MRAS: variants seen among roughly 807,000 people sequenced by gnomAD.
MRAS encodes the protein muscle RAS oncogene homolog.
MRAS carries 4 observed loss-of-function variants against 20.9 expected under a neutral mutation model. The ratio of observed to expected loss-of-function variants is 0.19; its 90% confidence interval spans 0.09 to 0.44. The LOEUF (loss-of-function observed/expected upper bound fraction) is 0.44. MRAS is among the 20% of genes least tolerant of loss of function. The pLI, the probability that MRAS is intolerant of heterozygous loss-of-function variation, is 0.99. For missense variants in MRAS, 154 were observed against 277.5 expected (o/e 0.56, Z 3.16); for synonymous variants, 98 against 102.9 (o/e 0.95, Z 0.29).
At chr3:138,386,276 C>G (rs192592381) in intron 2 of MRAS, among the ~76,000 whole-genome samples, 13 of 152,102 alleles carry the variant, frequency 8.5e-5, no homozygotes, top group African/African-American at 1.4e-4. Context: ...CATTCTCCCC[C>G]CTCCTCAGTC....
At chr3:138,396,600 C>T (rs768018513) in intron 2 of MRAS, among the ~76,000 whole-genome samples, 14 of 152,218 alleles carry the variant, frequency 9.2e-5, no homozygotes, top group African/African-American at 3.4e-4. Flanking sequence ...ATGAGACTTT[C>T]CCTCAGCAGG....
chr3:138,369,284 A>G (rs970373361), intron 1 of MRAS, among the ~76,000 whole-genome samples: 1 of 152,246 alleles, frequency 6.6e-6, no homozygotes, highest in South Asian at 2.1e-4. Flanking sequence ...GTAAACACTT[A>G]GAAAATTCTA....
At position 138,378,631 on chromosome 3, in the gene MRAS, A is replaced by G. The variant is rs2054834336; in HGVS notation, c.193+5555A>G. Reference sequence around the variant, plus strand: ...CCTCACCTTGGCTTTCAGCTGTGTGACTGCCCTCACCCCAATTCTCTCTTG... The same window carrying G: ...CCTCACCTTGGCTTTCAGCTGTGTGGCTGCCCTCACCCCAATTCTCTCTTG... On this transcript the variant is annotated intron_variant, in intron 2 of 5. Transcript: ENST00000423968. Among the ~76,000 whole-genome samples the G allele has an allele frequency of 2.6e-5, 4 of 152,066 alleles. No individual in the cohort carries two copies. The South Asian group carries it at 8.3e-4, about 32-fold the overall frequency.
At chr3:138,361,767 C>T (rs2054452514) in intron 1 of MRAS, among the ~76,000 whole-genome samples, 1 of 152,122 alleles carries the variant, frequency 6.6e-6, no homozygotes, top group South Asian at 2.1e-4. Flanking sequence ...GCTGGCCTTC[C>T]CTGGTTGAGT....
At chr3:138,380,280 C>T (rs1235984599) in intron 2 of MRAS, among the ~76,000 whole-genome samples, 1 of 151,394 alleles carries the variant, frequency 6.6e-6, no homozygotes, top group African/African-American at 2.4e-5. Flanking sequence ...TCCCCATTTT[C>T]CCCTCTCCTC....
At chr3:138,353,900 T>G (rs1400161524) in intron 1 of MRAS, among the ~76,000 whole-genome samples, 1 of 152,246 alleles carries the variant, frequency 6.6e-6, no homozygotes, top group Non-Finnish European at 1.5e-5. Context: ...GAAAGGAATC[T>G]GGCCATGGTC....
chr3:138,395,597 C>T (rs1256810660), intron 2 of MRAS, among the ~76,000 whole-genome samples: 1 of 152,184 alleles, frequency 6.6e-6, no homozygotes. Flanking sequence ...TCAAATGTCA[C>T]CTTCTGATAT....
chr3:138,400,472 G>A, intron 4 of MRAS, 62 bp from the exon 5 acceptor site: 6 of 1,473,532 alleles, frequency 4.1e-6, no homozygotes, highest in Non-Finnish European at 5.7e-6. Context: ...GCATTTTTAA[G>A]GGTGTAACAG....
At chr3:138,389,744 G>A (rs188961331) in intron 2 of MRAS, among the ~76,000 whole-genome samples, 11 of 152,054 alleles carry the variant, frequency 7.2e-5, no homozygotes, top group Admixed American at 7.2e-4. Flanking sequence ...TAGGAGGATG[G>A]TAATATCTTA....
chr3:138,380,865 G>A (rs945656050), intron 2 of MRAS, among the ~76,000 whole-genome samples: 9 of 151,700 alleles, frequency 5.9e-5, no homozygotes, highest in African/African-American at 1.9e-4. Context: ...CGCCTCCCGG[G>A]TTCAAGTGAT....
In MRAS at chr3:138,402,958, A is replaced by G. The variant is rs1471437611; in HGVS notation, c.*689A>G. 1 of 152,518 alleles carries G rather than the reference A, an allele frequency of 6.6e-6. No homozygotes were observed. Among genetic ancestry groups the G allele is most frequent in the Non-Finnish European group, 1.5e-5 (1 of 68,018 alleles). 9.4% of individuals were successfully genotyped at this position (152,518 alleles called of 1,614,324 possible). On this transcript the variant is annotated 3_prime_UTR_variant, in exon 6 of 6. Coordinates refer to ENST00000423968, the MANE Select transcript of MRAS (RefSeq NM_001085049.3). Reference sequence around the variant, plus strand: ...CCTGGGAGGGAAAGAGACCCTACACATGGCCTAGAAATGAGAGAAGAGAGA... The same window carrying G: ...CCTGGGAGGGAAAGAGACCCTACACGTGGCCTAGAAATGAGAGAAGAGAGA...
At chr3:138,383,275 C>T (rs1468826174) in intron 2 of MRAS, among the ~76,000 whole-genome samples, 1 of 152,076 alleles carries the variant, frequency 6.6e-6, no homozygotes, top group Non-Finnish European at 1.5e-5. Flanking sequence ...ACATAGCAGA[C>T]CTCAGTAGAT....
Position 138,405,113 on chromosome 3 carries a change from C to T in MRAS, c.*2844C>T, listed in dbSNP as rs1185236864. 1 of 152,466 alleles carries T rather than the reference C, an allele frequency of 6.6e-6. No individual in the cohort carries two copies. The highest frequency in any genetic ancestry group is 1.5e-5 in the Non-Finnish European group (1 of 68,056). 9.4% of individuals were successfully genotyped at this position (152,466 alleles called of 1,614,324 possible). A position where few individuals can be genotyped will look rare whatever the true frequency, so the allele number is the denominator to read the frequency against. On this transcript the variant is annotated 3_prime_UTR_variant, in exon 6 of 6. Coordinates refer to ENST00000423968, the MANE Select transcript of MRAS (RefSeq NM_001085049.3). The stretch of plus-strand genomic sequence containing the variant: ...CTTACTACCTGTGCACTTTGCCACT[C>T]GGGACACCTGGATGGTTTCTCTTAG...
Position 138,397,487 on chromosome 3 carries a change from A to C in MRAS, c.347+10A>C, listed in dbSNP as rs779851625. ...TGCGCGTCAAAGACAGGTGAGCATCAAAGACAGGTGAGAGTACCGGGAAGA... is the reference window on the plus strand; with the variant it reads ...TGCGCGTCAAAGACAGGTGAGCATCCAAGACAGGTGAGAGTACCGGGAAGA... On this transcript the variant is annotated intron_variant, in intron 3 of 5. Coordinates refer to ENST00000423968, the MANE Select transcript of MRAS (RefSeq NM_001085049.3). 4.3e-6 allele frequency: 7 copies of C among 1,613,926 alleles called. No homozygotes were observed. Among genetic ancestry groups the C allele is most frequent in the Non-Finnish European group, 5.1e-6 (6 of 1,179,934 alleles).
chr3:138,403,490 G>A lies in MRAS; in HGVS notation c.*1221G>A, dbSNP rs866452284. 6.5e-6 allele frequency: 1 copy of A among 152,686 alleles called. No individual in the cohort carries two copies. Among genetic ancestry groups the A allele is most frequent in the African/African-American group, 2.4e-5 (1 of 41,566 alleles). 9.5% of individuals were successfully genotyped at this position (152,686 alleles called of 1,614,324 possible). Reference sequence around the variant, plus strand: ...TCCAGTATTTGTAAAAGTAGTACTAGGTTGCCTTTTTGGCAATTTTTATTG... The same window carrying A: ...TCCAGTATTTGTAAAAGTAGTACTAAGTTGCCTTTTTGGCAATTTTTATTG... On this transcript the variant is annotated 3_prime_UTR_variant, in exon 6 of 6. Transcript: ENST00000423968.
intron 2 of MRAS, among the ~76,000 whole-genome samples, chr3:138,381,181 T>C (rs1297073593): frequency 6.6e-6 from 1 of 152,262 alleles, no homozygotes; most frequent in Non-Finnish European, 1.5e-5. Context: ...TTTTTGCTGT[T>C]ATGAATAACG....
chr3:138,375,152 G>T (rs1022639425), intron 2 of MRAS, among the ~76,000 whole-genome samples: 31 of 152,146 alleles, frequency 2.0e-4, no homozygotes, highest in Non-Finnish European at 4.1e-4. Context: ...CTCCCAAAGT[G>T]CTGGGATTAC....
intron 1 of MRAS, among the ~76,000 whole-genome samples, chr3:138,366,727 C>T (rs1022127307): frequency 6.6e-6 from 1 of 152,342 alleles, no homozygotes; most frequent in Non-Finnish European, 1.5e-5. Flanking sequence ...ACATGACCCT[C>T]GGCATCTAAC....
Position 138,402,263 on chromosome 3 carries a change from C to A in MRAS, c.621C>A (p.Ile207=). The A allele has an allele frequency of 1.9e-6, 3 of 1,614,062 alleles. No individual in the cohort carries two copies. The highest frequency in any genetic ancestry group is 3.3e-5 in the Admixed American group (2 of 60,032). Residue 207 remains isoleucine, a synonymous_variant, in exon 6 of 6, where the codon ATC becomes ATA. Coordinates refer to ENST00000423968, the MANE Select transcript of MRAS (RefSeq NM_001085049.3). ...ATGTHKLQCV[I]L ...GCACCCACAAACTGCAATGTGTGAT[C>A]TTGTGACAGGCCTGAGGCCCTGGGC...
Sources: allele counts gnomAD v4.1 joint callset (sites outside exome capture counted in the v4.1 genomes callset), GRCh38; gene constraint gnomAD v4.1.1; transcripts MANE v1.5; gene names NCBI Gene and HGNC (gene_info 2026-07-23, HGNC 2026-07-21).